Variants in GPM6A observed in about 807,000 individuals in gnomAD.
GPM6A encodes the protein glycoprotein M6A, also known as neuronal membrane glycoprotein M6-a.
Under a neutral mutation model 32.1 loss-of-function variants are expected in GPM6A, and 7 were observed. The observed-to-expected ratio is 0.22, with a 90% CI of 0.12 to 0.41. The LOEUF is 0.41. Ranked by LOEUF, GPM6A falls within the 10% of genes least tolerant of loss-of-function variation. The pLI is 1.00. For missense variants in GPM6A, 235 were observed against 347.2 expected, an observed-to-expected ratio of 0.68 and a Z score of 2.57; for synonymous variants, 130 against 123.4, an observed-to-expected ratio of 1.05 and a Z score of -0.35.
intron 1 of GPM6A, among the ~76,000 whole-genome samples, chr4:175,895,954 T>C (rs950645559): frequency 6.6e-6 from 1 of 152,198 alleles, no homozygotes; most frequent in Admixed American, 6.5e-5. Flanking sequence ...TTATTAATCC[T>C]GAATCTCTCC....
intron 3 of GPM6A, among the ~76,000 whole-genome samples, chr4:175,665,233 A>T (rs1742677409): frequency 6.6e-6 from 1 of 152,072 alleles, no homozygotes; most frequent in Non-Finnish European, 1.5e-5. Flanking sequence ...CTCCGTGCAA[A>T]CACTGTAAGC....
At chr4:175,760,233 C>T (rs915154725) in intron 1 of GPM6A, among the ~76,000 whole-genome samples, 1 of 151,928 alleles carries the variant, frequency 6.6e-6, no homozygotes, top group East Asian at 1.9e-4. Flanking sequence ...ACATCTAAAA[C>T]GCTTTCTCCT....
chr4:175,905,810 C>A (rs1489386676), intron 1 of GPM6A, among the ~76,000 whole-genome samples: 1 of 152,110 alleles, frequency 6.6e-6, no homozygotes, highest in African/African-American at 2.4e-5. Flanking sequence ...GATGTTCATG[C>A]TTTCCTTTAA....
intron 4 of GPM6A, among the ~76,000 whole-genome samples, chr4:175,646,165 A>G (rs1045115741): frequency 6.6e-5 from 10 of 152,188 alleles, no homozygotes; most frequent in Non-Finnish European, 1.3e-4. Flanking sequence ...TGTGACTTCA[A>G]TTCCCCCTTG....
chr4:175,733,019 T>A (rs1560902757), intron 1 of GPM6A, among the ~76,000 whole-genome samples: 1 of 152,028 alleles, frequency 6.6e-6, no homozygotes, highest in Non-Finnish European at 1.5e-5. Flanking sequence ...GGGACCCAAG[T>A]TAGGGACAGA....
chr4:176,002,373 G>C, upstream of GPM6A: 1 of 1,562,764 alleles, frequency 6.4e-7, no homozygotes, highest in East Asian at 2.4e-5. Flanking sequence ...ACGCTGCGCG[G>C]GGCCAAGTTC....
At chr4:175,812,668 A>G, upstream of GPM6A, 1 of 988,112 alleles carries the variant, frequency 1.0e-6, no homozygotes, top group Non-Finnish European at 1.2e-6. Flanking sequence ...AATTGGAAAC[A>G]GGCTGAGCTG....
intron 3 of GPM6A, among the ~76,000 whole-genome samples, chr4:175,669,874 A>C (rs541740518): frequency 2.6e-5 from 4 of 152,320 alleles, no homozygotes; most frequent in Non-Finnish European, 5.9e-5. Context: ...TTCAGGCAGG[A>C]AGAACATCAT....
chr4:175,652,940 T>C (rs1288291988), intron 3 of GPM6A, among the ~76,000 whole-genome samples: 1 of 152,132 alleles, frequency 6.6e-6, no homozygotes, highest in African/African-American at 2.4e-5. Flanking sequence ...GCATTCTGGC[T>C]AAACTTCTAA....
rs528920936 is a variant in GPM6A, at chr4:175,926,311, C to T, written c.-23+75998G>A. Among the ~76,000 whole-genome samples the T allele has an allele frequency of 3.3e-5, 5 of 152,184 alleles. No homozygotes were observed. In the East Asian group the frequency reaches 9.7e-4, roughly 29 times the overall value. Reference sequence around the variant, plus strand: ...TACAGTTTGGGGTCAATTGCAATTACTAGGAATAGGCTAGAACAGAAAAAC... The same window carrying T: ...TACAGTTTGGGGTCAATTGCAATTATTAGGAATAGGCTAGAACAGAAAAAC... On this transcript the variant is annotated intron_variant, in intron 1 of 7. Transcript: ENST00000280187.
chr4:175,771,064 G>A (rs1325447467), intron 1 of GPM6A, among the ~76,000 whole-genome samples: 1 of 152,130 alleles, frequency 6.6e-6, no homozygotes, highest in African/African-American at 2.4e-5. Context: ...TATGTCTGTA[G>A]CGGGAAGAAT....
chr4:175,819,152 A>G (rs936594709), intron 1 of GPM6A, among the ~76,000 whole-genome samples: 2 of 152,196 alleles, frequency 1.3e-5, no homozygotes, highest in Non-Finnish European at 2.9e-5. Flanking sequence ...GGGGTTAAAA[A>G]CTATGCAATG....
At chr4:175,911,412 T>C (rs1417232388) in intron 1 of GPM6A, among the ~76,000 whole-genome samples, 2 of 152,202 alleles carry the variant, frequency 1.3e-5, no homozygotes, top group East Asian at 3.8e-4. Flanking sequence ...TAAGGCCCAG[T>C]AACACCTTGG....
At chr4:175,813,366 G>C (rs1448413411), upstream of GPM6A, among the ~76,000 whole-genome samples, 2 of 152,198 alleles carry the variant, frequency 1.3e-5, no homozygotes, top group Non-Finnish European at 2.9e-5. Flanking sequence ...CCTACTGAGT[G>C]ACAGGGCACA....
intron 1 of GPM6A, among the ~76,000 whole-genome samples, chr4:175,774,959 C>T (rs79579415): frequency 0.02 from 3,114 of 152,062 alleles, 55 homozygotes; most frequent in Non-Finnish European, 0.032. Context: ...ATAAACCAGA[C>T]GATCCCAAAA....
Position 175,910,140 on chromosome 4 carries a change from C to T in GPM6A, c.-23+92169G>A, listed in dbSNP as rs79732397. Among the ~76,000 whole-genome samples, 681 of 152,170 alleles carry T rather than the reference C, an allele frequency of 4.5e-3. 5 individuals are homozygous for T. Among genetic ancestry groups the T allele is most frequent in the African/African-American group, 0.016 (645 of 41,510 alleles). On this transcript the variant is annotated intron_variant, in intron 1 of 7. Transcript: ENST00000280187. Reference sequence around the variant, plus strand: ...GCTACAGATGTGCTAATCACAGGATCGCAGTGTTCCTGAATATTTAACAAC... The same window carrying T: ...GCTACAGATGTGCTAATCACAGGATTGCAGTGTTCCTGAATATTTAACAAC...
chr4:175,641,030 C>T (rs1041405498), intron 4 of GPM6A: 15 of 540,126 alleles, frequency 2.8e-5, no homozygotes, highest in Non-Finnish European at 4.6e-5. Flanking sequence ...CTATTTAGCC[C>T]TCAAGCAATT....
intron 3 of GPM6A, among the ~76,000 whole-genome samples, chr4:175,656,177 A>C (rs969271450): frequency 3.3e-5 from 5 of 152,156 alleles, no homozygotes; most frequent in Admixed American, 2.0e-4. Context: ...CCCACAAAAA[A>C]AAATTCAGTA....
At chr4:175,897,720 C>T (rs1874355) in intron 1 of GPM6A, among the ~76,000 whole-genome samples, 19,823 of 152,098 alleles carry the variant, frequency 0.13, 2,079 homozygotes, top group East Asian at 0.28. Context: ...AGACTCTACA[C>T]TCCTTTTTAT....
Sources: gnomAD v4.1 joint callset for allele counts (sites outside exome capture counted in the v4.1 genomes callset) on GRCh38, gnomAD v4.1.1 for gene constraint, MANE v1.5 for transcripts, NCBI Gene and HGNC (gene_info 2026-07-23, HGNC 2026-07-21) for gene names.